The following CACNA1A variants were observed in gnomAD, a reference collection of about 807,000 sequenced individuals.
The protein encoded by CACNA1A is voltage-dependent P/Q-type calcium channel subunit alpha-1A.
CACNA1A carries 57 observed loss-of-function variants against 262.4 expected under a neutral mutation model. The ratio of observed to expected loss-of-function variants is 0.22; its 90% CI spans 0.18 to 0.27. The LOEUF is 0.27. Among genes scored for constraint, CACNA1A ranks in the 10% least tolerant of loss-of-function variants. The probability of loss-of-function intolerance (pLI) is 1.00; values close to 1 mark genes in which losing one functional copy is unlikely to be tolerated. For synonymous variants in CACNA1A, 1,431 were observed against 1,419.3 expected, an observed-to-expected ratio of 1.01 and a Z score of -0.18; for missense variants, 2,526 against 3,562.8, an observed-to-expected ratio of 0.71 and a Z score of 7.41.
At chr19:13,411,222 T>C (rs905341282) in intron 3 of CACNA1A, among the ~76,000 whole-genome samples, 1 of 152,230 alleles carries the variant, frequency 6.6e-6, no homozygotes, top group Non-Finnish European at 1.5e-5. Context: ...GTTCCTAATC[T>C]GCCCACCTAG....
intron 1 of CACNA1A, among the ~76,000 whole-genome samples, chr19:13,460,573 T>C (rs1425776397): frequency 6.6e-6 from 1 of 152,070 alleles, no homozygotes; most frequent in Admixed American, 6.6e-5. Flanking sequence ...CCCATCTCAC[T>C]CAAAAGCAAA....
chr19:13,498,169 G>T (rs1338049703), intron 1 of CACNA1A, among the ~76,000 whole-genome samples: 2 of 151,868 alleles, frequency 1.3e-5, no homozygotes, highest in African/African-American at 4.8e-5. Context: ...GGAGATAAAA[G>T]AACGTGACAG....
intron 3 of CACNA1A, among the ~76,000 whole-genome samples, chr19:13,428,228 A>G (rs750789055): frequency 2.6e-5 from 4 of 152,198 alleles, no homozygotes; most frequent in Non-Finnish European, 4.4e-5. Flanking sequence ...GCGCAGGGCA[A>G]GAGCTCTTAT....
chr19:13,452,812 C>T, intron 3 of CACNA1A, 64 bp downstream of exon 3: 1 of 1,536,006 alleles, frequency 6.5e-7, no homozygotes, highest in Non-Finnish European at 8.9e-7. Context: ...CCGGACCACA[C>T]CAACCAAAAG....
intron 3 of CACNA1A, among the ~76,000 whole-genome samples, chr19:13,401,549 T>A (rs1253195032): frequency 1.3e-5 from 2 of 152,158 alleles, no homozygotes; most frequent in Non-Finnish European, 2.9e-5. Context: ...AGAGACTACA[T>A]TTCCCAGCCT....
intron 3 of CACNA1A, among the ~76,000 whole-genome samples, chr19:13,413,895 A>AAAGAAAAGAAAAGAAAAGAAAAGAAAAG (rs2060168175): frequency 1.9e-4 from 23 of 119,220 alleles, no homozygotes; most frequent in Middle Eastern, 4.3e-3. Flanking sequence ...GAAAGAAAGA[A>AAAGAAAAGAAAAGAAAAGAAAAGAAAAG]AAAGAAAGAA....
At chr19:13,336,594 G>GGAGGGAGAGAGAGGGA (rs1555768095) in intron 6 of CACNA1A, among the ~76,000 whole-genome samples, 1 of 65,492 alleles carries the variant, frequency 1.5e-5, no homozygotes, top group Non-Finnish European at 3.1e-5. Flanking sequence ...AGAGAGAGAG[G>GGAGGGAGAGAGAGGGA]GAGAGAGAGA....
chr19:13,446,561 C>A (rs148177090), intron 3 of CACNA1A, among the ~76,000 whole-genome samples: 1 of 150,242 alleles, frequency 6.7e-6, no homozygotes, highest in Non-Finnish European at 1.5e-5. Context: ...GCTGCCTCAG[C>A]CTCCCAAATA....
At chr19:13,480,620 G>C (rs1039119519) in intron 1 of CACNA1A, among the ~76,000 whole-genome samples, 1 of 151,946 alleles carries the variant, frequency 6.6e-6, no homozygotes, top group Non-Finnish European at 1.5e-5. Context: ...CTTGAGCCCA[G>C]GAGTTCGAGA....
rs867110127 is a variant in CACNA1A at position 13,259,395 on chromosome 19, C to T, written c.4388+169G>A. 3 of 196,698 alleles carry T rather than the reference C, an allele frequency of 1.5e-5. 1 individual carries two copies. Among genetic ancestry groups the T allele is most frequent in the South Asian group, 1.8e-4 (2 of 11,004 alleles). The allele number at this position is 196,698 out of a possible 1,614,324, so 12.2% of individuals were successfully genotyped here. ...CCATGATGGCCAGGCTGATCTCAAA[C>T]TCCTGGCCTCAAGTGATACATCTGC... On this transcript the variant is annotated intron_variant, in intron 27 of 46. Coordinates refer to ENST00000360228, the MANE Select transcript of CACNA1A (RefSeq NM_001127222.2).
At chr19:13,402,461 C>G (rs1370588350) in intron 3 of CACNA1A, among the ~76,000 whole-genome samples, 1 of 151,610 alleles carries the variant, frequency 6.6e-6, no homozygotes, top group Non-Finnish European at 1.5e-5. Context: ...GATGGGTGCA[C>G]CAGGTTCTCA....
At chr19:13,335,133 G>C (rs1269117088) in intron 7 of CACNA1A, among the ~76,000 whole-genome samples, 1 of 152,110 alleles carries the variant, frequency 6.6e-6, no homozygotes, top group African/African-American at 2.4e-5. Flanking sequence ...CATACTTTTG[G>C]CTAATAATTA....
At chr19:13,344,029 G>T (rs1253119184) in intron 6 of CACNA1A, among the ~76,000 whole-genome samples, 1 of 152,088 alleles carries the variant, frequency 6.6e-6, no homozygotes, top group Admixed American at 6.6e-5. Flanking sequence ...GGGCAACACA[G>T]TGAGACCCCA....
intron 6 of CACNA1A, among the ~76,000 whole-genome samples, chr19:13,345,900 T>G (rs1263802086): frequency 5.8e-5 from 1 of 17,388 alleles, no homozygotes; most frequent in Non-Finnish European, 2.0e-4. Flanking sequence ...GAAGTCTTTT[T>G]TTTTTTTTTT....
At position 13,212,248 on chromosome 19, in the gene CACNA1A, C is replaced by T. The variant is rs2054839638; in HGVS notation, c.6190-32G>A. ...AGCAGATGGCAAAGCCAGATGAGCT[C>T]TGGGGCCTGACCTCCAGATCCCTGG... is the stretch of plus-strand genomic sequence containing the variant. On this transcript the variant is annotated intron_variant, in intron 42 of 46. Coordinates refer to ENST00000360228, the MANE Select transcript of CACNA1A (RefSeq NM_001127222.2). The surrounding 1 kb of genome is among the most constrained non-coding windows in gnomAD (Gnocchi z 5.6). The T allele has an allele frequency of 2.5e-6, 4 of 1,603,046 alleles. No homozygotes were observed. In the East Asian group the frequency reaches 8.9e-5, roughly 36 times the overall value.
At chr19:13,474,490 T>A (rs1978317430) in intron 1 of CACNA1A, among the ~76,000 whole-genome samples, 1 of 150,280 alleles carries the variant, frequency 6.7e-6, no homozygotes, top group African/African-American at 2.5e-5. Context: ...AAAGGGGAGG[T>A]GGGAAAAAGA....
At chr19:13,254,966 G>T in intron 29 of CACNA1A, 129 bp downstream of exon 29, 1 of 940,254 alleles carries the variant, frequency 1.1e-6, no homozygotes, top group Non-Finnish European at 1.6e-6. Context: ...GGAACAGCAG[G>T]AACAAAATCT....
At chr19:13,448,041 T>C (rs1172152913) in intron 3 of CACNA1A, among the ~76,000 whole-genome samples, 2 of 148,288 alleles carry the variant, frequency 1.3e-5, no homozygotes, top group East Asian at 2.0e-4. Flanking sequence ...TGCTCAATAA[T>C]ATATGAGCTT....
Position 13,308,329 on chromosome 19 carries a change from C to T in CACNA1A, c.1782-78G>A, listed in dbSNP as rs1251244392. On this transcript the variant is annotated intron_variant, in intron 13 of 46. Coordinates refer to ENST00000360228, the MANE Select transcript of CACNA1A (RefSeq NM_001127222.2). This position sits in a 1 kb window ranked among gnomAD's most constrained non-coding sequence, Gnocchi z 4.2. ...CGGAGTCAGCCCTCGAAACACGAGGCTCACTTTCCCAACTTTCTGGAGGCG... is the reference window on the plus strand; with the variant it reads ...CGGAGTCAGCCCTCGAAACACGAGGTTCACTTTCCCAACTTTCTGGAGGCG... 3 of 1,563,044 alleles carry T rather than the reference C, an allele frequency of 1.9e-6. No individual in the cohort carries two copies. Among genetic ancestry groups the T allele is most frequent in the African/African-American group, 2.7e-5 (2 of 73,854 alleles).
Sources: allele counts gnomAD v4.1 joint callset (sites outside exome capture counted in the v4.1 genomes callset), GRCh38; gene constraint gnomAD v4.1.1; non-coding constraint Gnocchi (gnomAD v3.1); transcripts MANE v1.5; gene names NCBI Gene and HGNC (gene_info 2026-07-23, HGNC 2026-07-21).